Variants in GPR158 observed in about 807,000 individuals in gnomAD.
GPR158 encodes the protein metabotropic glycine receptor.
GPR158 carries 30 observed loss-of-function variants against 78.2 expected under a neutral mutation model. The observed-to-expected ratio is 0.38, with a 90% confidence interval of 0.29 to 0.52. The LOEUF (loss-of-function observed/expected upper bound fraction) is 0.52, where lower values mean the gene tolerates loss of function less well. Ranked by LOEUF, GPR158 falls within the 20% of genes least tolerant of loss-of-function variation. GPR158 has a pLI of 0.83. For missense variants in GPR158, 1,463 were observed against 1,523.5 expected (o/e 0.96, Z 0.66); for synonymous variants, 581 against 591.1 (o/e 0.98, Z 0.25).
chr10:25,299,772 G>C (rs1036374272), intron 2 of GPR158, among the ~76,000 whole-genome samples: 2 of 152,132 alleles, frequency 1.3e-5, no homozygotes, highest in African/African-American at 4.8e-5. Context: ...AATTTTGCAT[G>C]AAAAGTTTAA....
chr10:25,595,992 C>G (rs772978898), intron 9 of GPR158, among the ~76,000 whole-genome samples: 5 of 151,934 alleles, frequency 3.3e-5, no homozygotes, highest in Non-Finnish European at 7.4e-5. Flanking sequence ...CAGATAAAAT[C>G]CTGTATTCTC....
In GPR158 at chr10:25,599,174, A is replaced by G; in HGVS notation, c.3548A>G (p.Asn1183Ser). ...PWEFETPAQPNAGRSVALPAS... is the reference protein window; with the variant it reads ...PWEFETPAQPSAGRSVALPAS... ...GAGTTTGAGACCCCAGCTCAACCAA[A>G]TGCTGGAAGAAGTGTAGCTTTACCT... Residue 1183 changes from asparagine to serine, a missense_variant, in exon 11 of 11, where the codon AAT becomes AGT. Transcript: ENST00000376351. 6.2e-7 allele frequency: 1 copy of G among 1,611,230 alleles called. No individual in the cohort carries two copies. The highest frequency in any genetic ancestry group is 8.5e-7 in the Non-Finnish European group (1 of 1,179,754).
intron 3 of GPR158, among the ~76,000 whole-genome samples, chr10:25,407,637 A>T (rs1834532077): frequency 1.3e-5 from 2 of 152,044 alleles, no homozygotes; most frequent in African/African-American, 4.8e-5. Flanking sequence ...TCTTCCACTC[A>T]TTCATACTAA....
chr10:25,431,333 G>A (rs1834902031), intron 4 of GPR158, among the ~76,000 whole-genome samples: 1 of 148,500 alleles, frequency 6.7e-6, no homozygotes, highest in Admixed American at 6.8e-5. Context: ...CAGTTAGAAT[G>A]GCAGTCATTA....
intron 5 of GPR158, among the ~76,000 whole-genome samples, chr10:25,543,506 C>G (rs946633656): frequency 6.6e-6 from 1 of 152,152 alleles, no homozygotes; most frequent in Non-Finnish European, 1.5e-5. Flanking sequence ...TTAAGGGGTA[C>G]AAGTGCAATT....
intron 2 of GPR158, among the ~76,000 whole-genome samples, chr10:25,372,765 G>A (rs1165951361): frequency 6.7e-6 from 1 of 150,244 alleles, no homozygotes; most frequent in Non-Finnish European, 1.5e-5. Flanking sequence ...GCTAGATGAC[G>A]AGTTAGTGGG....
At chr10:25,250,603 T>C (rs934149423) in intron 2 of GPR158, among the ~76,000 whole-genome samples, 3 of 150,262 alleles carry the variant, frequency 2.0e-5, no homozygotes, top group African/African-American at 7.5e-5. Context: ...GTTGTTCAAT[T>C]TCCATGTAGT....
intron 2 of GPR158, among the ~76,000 whole-genome samples, chr10:25,360,159 T>C (rs1193321395): frequency 6.6e-6 from 1 of 152,210 alleles, no homozygotes; most frequent in Non-Finnish European, 1.5e-5. Context: ...ATTAGCCCTT[T>C]GTCAGATGGA....
chr10:25,430,600 A>G (rs1243922526), intron 4 of GPR158, among the ~76,000 whole-genome samples: 7 of 150,896 alleles, frequency 4.6e-5, no homozygotes, highest in African/African-American at 7.4e-5. Flanking sequence ...CATGCTACCT[A>G]ACTTCAAACT....
chr10:25,254,295 C>T (rs1201495450), intron 2 of GPR158, among the ~76,000 whole-genome samples: 1 of 152,118 alleles, frequency 6.6e-6, no homozygotes. Flanking sequence ...CATGGCAAAA[C>T]AGGACAAATA....
chr10:25,255,522 C>T (rs1213295425), intron 2 of GPR158, among the ~76,000 whole-genome samples: 2 of 152,176 alleles, frequency 1.3e-5, no homozygotes, highest in Non-Finnish European at 2.9e-5. Flanking sequence ...CTTGGAGTCC[C>T]CTTCCAAGTT....
intron 1 of GPR158, among the ~76,000 whole-genome samples, chr10:25,200,452 C>T (rs751614264): frequency 1.3e-5 from 2 of 152,014 alleles, no homozygotes; most frequent in Non-Finnish European, 2.9e-5. Context: ...ATATTTTCTC[C>T]CATTCTGTGG....
intron 7 of GPR158, among the ~76,000 whole-genome samples, chr10:25,581,225 G>T (rs570425644): frequency 6.6e-6 from 1 of 152,094 alleles, no homozygotes; most frequent in Admixed American, 6.5e-5. Context: ...ACCGCGCCCG[G>T]CGCTAATTTT....
At chr10:25,531,280 G>A (rs1343802602) in intron 5 of GPR158, among the ~76,000 whole-genome samples, 2 of 152,042 alleles carry the variant, frequency 1.3e-5, no homozygotes, top group African/African-American at 2.4e-5. Flanking sequence ...GTTACTTATC[G>A]TCCTAAGTAT....
intron 6 of GPR158, among the ~76,000 whole-genome samples, chr10:25,552,128 C>G (rs143473977): frequency 6.6e-6 from 1 of 152,058 alleles, no homozygotes; most frequent in Non-Finnish European, 1.5e-5. Context: ...CTTATATATG[C>G]GGTAAAGTAC....
chr10:25,544,569 ATATCAC>A (rs1414144644), intron 5 of GPR158, among the ~76,000 whole-genome samples: 1 of 152,200 alleles, frequency 6.6e-6, no homozygotes, highest in Non-Finnish European at 1.5e-5. Context: ...AGCTATCAGT[ATATCAC>A]TATTATCATA....
At chr10:25,439,348 TG>T (rs1835038365) in intron 4 of GPR158, among the ~76,000 whole-genome samples, 1 of 152,144 alleles carries the variant, frequency 6.6e-6, no homozygotes, top group African/African-American at 2.4e-5. Flanking sequence ...GAGAACAGTG[TG>T]GGGGAAGCCG....
intron 3 of GPR158, among the ~76,000 whole-genome samples, chr10:25,399,209 C>T (rs1381585840): frequency 2.6e-5 from 4 of 152,120 alleles, no homozygotes; most frequent in African/African-American, 9.7e-5. Flanking sequence ...AACTCACTCA[C>T]TATCATGAGA....
intron 1 of GPR158, among the ~76,000 whole-genome samples, chr10:25,179,474 A>G (rs1458608437): frequency 6.6e-6 from 1 of 152,226 alleles, no homozygotes; most frequent in Non-Finnish European, 1.5e-5. Context: ...ATTAAATTAC[A>G]TTTCATTTTT....
Sources: gnomAD v4.1 joint callset for allele counts (sites outside exome capture counted in the v4.1 genomes callset) on GRCh38, gnomAD v4.1.1 for gene constraint, MANE v1.5 for transcripts, NCBI Gene and HGNC (gene_info 2026-07-23, HGNC 2026-07-21) for gene names.